LYPLAL1: variants seen among roughly 807,000 people sequenced by gnomAD.
The protein encoded by LYPLAL1 is lysophospholipase like 1, also known as lysophospholipase-like protein 1.
Under a neutral mutation model 19.7 loss-of-function variants are expected in LYPLAL1, and 23 were observed. The observed-to-expected ratio is 1.17, with a 90% CI of 0.84 to 1.65. The LOEUF (loss-of-function observed/expected upper bound fraction) is 1.65. LYPLAL1 is among the 40% of genes most tolerant of loss of function. The probability of loss-of-function intolerance (pLI) is 0.00; values close to 1 mark genes in which losing one functional copy is unlikely to be tolerated. For synonymous variants in LYPLAL1, 119 were observed against 96.3 expected, an observed-to-expected ratio of 1.24 and a Z score of -1.38; for missense variants, 355 against 279.4, an observed-to-expected ratio of 1.27 and a Z score of -1.93.
At chr1:219,189,480 T>C (rs1368788925) in intron 2 of LYPLAL1, among the ~76,000 whole-genome samples, 2 of 151,596 alleles carry the variant, frequency 1.3e-5, no homozygotes, top group Non-Finnish European at 3.0e-5. Flanking sequence ...TCAAAACTAG[T>C]TAAGAAGCTA....
the LYPLAL1 span, among the ~76,000 whole-genome samples, chr1:219,309,884 A>AT: frequency 6.6e-6 from 1 of 152,250 alleles, no homozygotes; most frequent in Admixed American, 6.5e-5. Flanking sequence ...ATGTGTTGTC[A>AT]TGTCAGTGAC....
the LYPLAL1 span, among the ~76,000 whole-genome samples, chr1:219,304,357 A>C: frequency 6.6e-6 from 1 of 152,244 alleles, no homozygotes; most frequent in Non-Finnish European, 1.5e-5. Flanking sequence ...GAGTCACTGA[A>C]AAATTATTTT....
At chr1:219,202,086 T>C (rs768313105) in intron 3 of LYPLAL1, among the ~76,000 whole-genome samples, 5 of 152,174 alleles carry the variant, frequency 3.3e-5, no homozygotes, top group African/African-American at 4.8e-5. Context: ...TATAACATAG[T>C]TAAGAACTTG....
chr1:219,379,314 A>G, the LYPLAL1 span, among the ~76,000 whole-genome samples: 1 of 152,206 alleles, frequency 6.6e-6, no homozygotes, highest in Middle Eastern at 3.2e-3. Flanking sequence ...GGGGTCGAGG[A>G]GGGAAAGGTG....
chr1:219,373,874 A>AAAC, the LYPLAL1 span, among the ~76,000 whole-genome samples: 24 of 38,414 alleles, frequency 6.2e-4, no homozygotes, highest in African/African-American at 9.4e-4. Flanking sequence ...AAAAAAAAAA[A>AAAC]AAAAAAACAA....
the LYPLAL1 span, among the ~76,000 whole-genome samples, chr1:219,337,911 GAC>G: frequency 2.0e-5 from 3 of 152,018 alleles, no homozygotes; most frequent in African/African-American, 7.2e-5. Context: ...GAATTAAAAA[GAC>G]ACACATGTGA....
At chr1:219,443,711 C>CA in the LYPLAL1 span, among the ~76,000 whole-genome samples, 1 of 151,876 alleles carries the variant, frequency 6.6e-6, no homozygotes, top group Admixed American at 6.6e-5. Flanking sequence ...AAGAAAGACC[C>CA]AAACACTTCT....
chr1:219,173,937 C>A lies in LYPLAL1; in HGVS notation c.47C>A (p.Pro16Gln). The change falls in exon 1 of 5, where the codon CCG becomes CAG. Residue 16 changes from proline to glutamine, a missense_variant. Transcript: ENST00000366928. ...GTTCTGCAGCGCTGTATCGTGTCGC[C>A]GGCAGGGAGGCATAGCGCCTCTCTG... ...GSVLQRCIVS[P>Q]AGRHSASLIF... The A allele has an allele frequency of 1.9e-6, 3 of 1,613,968 alleles. No homozygotes were observed. Among genetic ancestry groups the A allele is most frequent in the Non-Finnish European group, 2.5e-6 (3 of 1,179,974 alleles).
chr1:219,197,268 A>T (rs1208506665), intron 3 of LYPLAL1, among the ~76,000 whole-genome samples: 1 of 152,194 alleles, frequency 6.6e-6, no homozygotes, highest in Admixed American at 6.5e-5. Flanking sequence ...TGGCACTGGT[A>T]CAAAAACAGA....
chr1:219,207,176 G>C (rs1305102829), intron 3 of LYPLAL1, among the ~76,000 whole-genome samples: 1 of 151,150 alleles, frequency 6.6e-6, no homozygotes, highest in Non-Finnish European at 1.5e-5. Context: ...TAATAAATTT[G>C]CTCCTGCAGC....
the LYPLAL1 span, among the ~76,000 whole-genome samples, chr1:219,264,787 A>G: frequency 6.6e-6 from 1 of 152,200 alleles, no homozygotes; most frequent in African/African-American, 2.4e-5. Context: ...TTTATTGTGC[A>G]TGCCATTCAG....
At chr1:219,428,849 G>T in the LYPLAL1 span, among the ~76,000 whole-genome samples, 3 of 151,848 alleles carry the variant, frequency 2.0e-5, no homozygotes, top group African/African-American at 7.3e-5. Context: ...CCAAAATTCT[G>T]CCCATACTTT....
At chr1:219,289,889 T>C in the LYPLAL1 span, among the ~76,000 whole-genome samples, 1 of 152,212 alleles carries the variant, frequency 6.6e-6, no homozygotes, top group African/African-American at 2.4e-5. Flanking sequence ...TTGGCCACCC[T>C]ACCTTTTTCA....
the LYPLAL1 span, among the ~76,000 whole-genome samples, chr1:219,257,426 G>A: frequency 6.9e-6 from 1 of 145,712 alleles, no homozygotes; most frequent in Non-Finnish European, 1.5e-5. Context: ...TTTTAATGTA[G>A]GTTCTTTCTA....
At chr1:219,259,023 T>C in the LYPLAL1 span, among the ~76,000 whole-genome samples, 1 of 151,932 alleles carries the variant, frequency 6.6e-6, no homozygotes, top group African/African-American at 2.4e-5. Flanking sequence ...ATGCTTAACA[T>C]CACTAATTAT....
the LYPLAL1 span, among the ~76,000 whole-genome samples, chr1:219,328,992 A>G: frequency 6.6e-6 from 1 of 152,156 alleles, no homozygotes; most frequent in Admixed American, 6.5e-5. Context: ...TTTCATAAGT[A>G]ACTTTCAATC....
chr1:219,418,171 T>C, the LYPLAL1 span, among the ~76,000 whole-genome samples: 1 of 152,076 alleles, frequency 6.6e-6, no homozygotes, highest in African/African-American at 2.4e-5. Context: ...AGTTAAAACC[T>C]CGAAAAAAGT....
chr1:219,415,053 A>G, the LYPLAL1 span, among the ~76,000 whole-genome samples: 16 of 152,244 alleles, frequency 1.1e-4, no homozygotes, highest in Non-Finnish European at 5.9e-5. Context: ...AAAGTAAAAT[A>G]ATAAAAACAG....
intron 2 of LYPLAL1, among the ~76,000 whole-genome samples, chr1:219,180,868 A>G (rs1656217464): frequency 1.3e-5 from 2 of 152,212 alleles, no homozygotes; most frequent in African/African-American, 4.8e-5. Flanking sequence ...CTCCATGTGC[A>G]CTAAGCATTA....
Sources: gnomAD v4.1 joint callset for allele counts (sites outside exome capture counted in the v4.1 genomes callset) on GRCh38, gnomAD v4.1.1 for gene constraint, MANE v1.5 for transcripts, NCBI Gene and HGNC (gene_info 2026-07-23, HGNC 2026-07-21) for gene names.